The following RIMKLB variants were observed in gnomAD, a reference collection of about 807,000 sequenced individuals.
RIMKLB encodes beta-citrylglutamate synthase B.
A neutral mutation model predicts 32.0 loss-of-function variants in RIMKLB; 7 were observed. The ratio of observed to expected loss-of-function variants is 0.22; its 90% CI spans 0.12 to 0.41. RIMKLB has a LOEUF of 0.41. Among genes scored for constraint, RIMKLB ranks in the 10% least tolerant of loss-of-function variants. The pLI is 1.00. For missense variants in RIMKLB, 289 were observed against 498.7 expected (o/e 0.58, Z 4.00); for synonymous variants, 172 against 185.1 (o/e 0.93, Z 0.57).
chr12:8,736,810 A>T (rs1442695035), intron 2 of RIMKLB, among the ~76,000 whole-genome samples: 1 of 151,564 alleles, frequency 6.6e-6, no homozygotes, highest in Non-Finnish European at 1.5e-5. Flanking sequence ...TAATACTGCT[A>T]TTAATTACTT....
intron 5 of RIMKLB, among the ~76,000 whole-genome samples, chr12:8,757,424 T>G (rs887193767): frequency 6.7e-6 from 1 of 149,158 alleles, no homozygotes; most frequent in Non-Finnish European, 1.5e-5. Flanking sequence ...TCCCAGCTAC[T>G]TGGGAGGCTG....
At chr12:8,673,084 G>T in the RIMKLB span, among the ~76,000 whole-genome samples, 3 of 152,106 alleles carry the variant, frequency 2.0e-5, no homozygotes, top group Non-Finnish European at 1.5e-5. Context: ...GTTTCACCAT[G>T]TTAGCCAGGC....
chr12:8,710,677 C>T (rs752839811), intron 1 of RIMKLB, among the ~76,000 whole-genome samples: 1 of 152,066 alleles, frequency 6.6e-6, no homozygotes, highest in East Asian at 1.9e-4. Flanking sequence ...TCAGAATCAT[C>T]GGGAACACTG....
the RIMKLB span, among the ~76,000 whole-genome samples, chr12:8,675,801 T>TC: frequency 2.4e-4 from 37 of 151,946 alleles, no homozygotes; most frequent in African/African-American, 8.9e-4. Context: ...TTTTCTTTTT[T>TC]TTTTTTTTTA....
At chr12:8,695,394 T>C (rs1321171299), upstream of RIMKLB, among the ~76,000 whole-genome samples, 2 of 152,186 alleles carry the variant, frequency 1.3e-5, no homozygotes, top group Middle Eastern at 3.2e-3. Context: ...TATGACTGAA[T>C]GTATGTACAG....
At position 8,718,657 on chromosome 12, in the gene RIMKLB, A is replaced by G. The variant is rs35672278; in HGVS notation, c.175+4616A>G. ...ACTCCGTCTCTCTCTCTCTCTCTAT[A>G]TATATATATATATGTGTGTGTGTGT... On this transcript the variant is annotated intron_variant, in intron 2 of 5. Coordinates refer to ENST00000535829, the MANE Select transcript of RIMKLB (RefSeq NM_001297776.2). 6.9e-4 allele frequency among the ~76,000 whole-genome samples: 92 copies of G among 133,620 alleles called. 2 individuals are homozygous for G. In the East Asian group the frequency reaches 0.013, roughly 19 times the overall value. The allele number at this position is 133,620 out of a possible 152,430, so 87.7% of individuals were successfully genotyped here. A position where few individuals can be genotyped will look rare whatever the true frequency, so the allele number is the denominator to read the frequency against.
chr12:8,742,531 A>G, intron 2 of RIMKLB: 1 of 387,212 alleles, frequency 2.6e-6, no homozygotes. Context: ...CTTCACTTTC[A>G]GATGGAATAT....
At position 8,773,580 on chromosome 12, in the gene RIMKLB, C is replaced by G. The variant is rs1686499328; in HGVS notation, c.957C>G (p.Leu319=). The G allele has an allele frequency of 3.7e-6, 6 of 1,614,152 alleles. No individual in the cohort carries two copies. Among genetic ancestry groups the G allele is most frequent in the African/African-American group, 1.3e-5 (1 of 74,954 alleles). ...SGRLTRRMSL[L]SVVSTASETS... is the part of the protein sequence containing the mutation. Reference sequence around the variant, plus strand: ...GGCTCACCCGGCGTATGTCCCTGCTCTCCGTGGTGTCCACTGCCAGTGAGA... The same window carrying G: ...GGCTCACCCGGCGTATGTCCCTGCTGTCCGTGGTGTCCACTGCCAGTGAGA... Residue 319 remains leucine (L), a synonymous_variant, in exon 6 of 6, where the codon CTC becomes CTG. Coordinates refer to ENST00000535829, the MANE Select transcript of RIMKLB (RefSeq NM_001297776.2).
intron 1 of RIMKLB, among the ~76,000 whole-genome samples, chr12:8,699,634 C>T (rs1415692079): frequency 6.6e-6 from 1 of 151,986 alleles, no homozygotes; most frequent in African/African-American, 2.4e-5. Flanking sequence ...TTGAGGTAAT[C>T]CTATTTTATT....
At position 8,712,614 on chromosome 12, in the gene RIMKLB, A is replaced by G. The variant is rs949282339; in HGVS notation, c.-56-1197A>G. On this transcript the variant is annotated intron_variant, in intron 1 of 5. Coordinates refer to ENST00000535829, the MANE Select transcript of RIMKLB (RefSeq NM_001297776.2). Reference sequence around the variant, plus strand: ...GGATTGTGGGGTAGTAGGTGGGTCAAGAGAGAGGTAGGTGGTCAAGTGTGG... The same window carrying G: ...GGATTGTGGGGTAGTAGGTGGGTCAGGAGAGAGGTAGGTGGTCAAGTGTGG... Among the ~76,000 whole-genome samples the G allele has an allele frequency of 3.3e-5, 5 of 152,096 alleles. No individual in the cohort carries two copies. The South Asian group carries it at 6.2e-4, about 19-fold the overall frequency.
chr12:8,755,611 T>A (rs1182480643), intron 5 of RIMKLB, among the ~76,000 whole-genome samples: 1 of 152,214 alleles, frequency 6.6e-6, no homozygotes, highest in African/African-American at 2.4e-5. Flanking sequence ...AGTAGCCCCT[T>A]AAGGGGTCTT....
intron 5 of RIMKLB, among the ~76,000 whole-genome samples, chr12:8,769,417 C>G (rs1233990544): frequency 6.6e-6 from 1 of 152,014 alleles, no homozygotes; most frequent in African/African-American, 2.4e-5. Flanking sequence ...TGCGTGTTTT[C>G]TATAAGCAGT....
chr12:8,747,304 A>G (rs749684279), intron 2 of RIMKLB, among the ~76,000 whole-genome samples: 1 of 152,328 alleles, frequency 6.6e-6, no homozygotes, highest in East Asian at 1.9e-4. Context: ...AATACCATCA[A>G]TACAAATCGC....
intron 1 of RIMKLB, among the ~76,000 whole-genome samples, chr12:8,702,304 G>T (rs1289577611): frequency 1.3e-5 from 2 of 152,118 alleles, no homozygotes; most frequent in Admixed American, 6.6e-5. Flanking sequence ...GAGTCTACTG[G>T]ATTCTTAGGA....
chr12:8,693,800 T>G (rs1369139457), upstream of RIMKLB, among the ~76,000 whole-genome samples: 1 of 152,256 alleles, frequency 6.6e-6, no homozygotes, highest in African/African-American at 2.4e-5. Flanking sequence ...TAGTTAATTC[T>G]AACATCTCTG....
At chr12:8,677,364 AG>A (rs1261449981), upstream of RIMKLB, among the ~76,000 whole-genome samples, 1 of 152,166 alleles carries the variant, frequency 6.6e-6, no homozygotes, top group East Asian at 1.9e-4. Context: ...CTTGAGTCCC[AG>A]CACATACACC....
intron 5 of RIMKLB, among the ~76,000 whole-genome samples, chr12:8,769,274 T>A (rs990740366): frequency 7.0e-6 from 1 of 143,706 alleles, no homozygotes; most frequent in Non-Finnish European, 1.5e-5. Flanking sequence ...GCCTGTAACA[T>A]TTTTTTTTAA....
chr12:8,688,946 T>G (rs1284051990), intron 1 of RIMKLB, among the ~76,000 whole-genome samples: 1 of 152,148 alleles, frequency 6.6e-6, no homozygotes, highest in Non-Finnish European at 1.5e-5. Flanking sequence ...GAGATTCTCC[T>G]GTCTCAGCCT....
At chr12:8,761,372 G>A (rs765506292) in intron 5 of RIMKLB, among the ~76,000 whole-genome samples, 2 of 150,560 alleles carry the variant, frequency 1.3e-5, no homozygotes, top group South Asian at 4.2e-4. Flanking sequence ...AAAAATTACC[G>A]AATTTGTTTT....
Sources: allele counts gnomAD v4.1 joint callset (sites outside exome capture counted in the v4.1 genomes callset), GRCh38; gene constraint gnomAD v4.1.1; transcripts MANE v1.5; gene names NCBI Gene and HGNC (gene_info 2026-07-23, HGNC 2026-07-21).